The following SMARCC1 variants were observed in gnomAD, a reference collection of about 807,000 sequenced individuals.
SMARCC1 encodes the protein SWI/SNF related BAF chromatin remodeling complex subunit C1.
A neutral mutation model predicts 147.4 loss-of-function variants in SMARCC1; 43 were observed. The observed-to-expected ratio is 0.29, with a 90% CI of 0.23 to 0.38. SMARCC1 has a LOEUF of 0.38. Ranked by LOEUF, SMARCC1 falls within the 10% of genes least tolerant of loss-of-function variation. The probability of loss-of-function intolerance (pLI) is 1.00; values close to 1 mark genes in which losing one functional copy is unlikely to be tolerated. For missense variants in SMARCC1, 1,119 were observed against 1,381.1 expected, an observed-to-expected ratio of 0.81 and a Z score of 3.01; for synonymous variants, 495 against 484.4, an observed-to-expected ratio of 1.02 and a Z score of -0.29.
chr3:47,718,727 A>C (rs2034192483), intron 7 of SMARCC1, among the ~76,000 whole-genome samples: 1 of 151,934 alleles, frequency 6.6e-6, no homozygotes, highest in African/African-American at 2.4e-5. Context: ...ATAAAAATAA[A>C]AAAAGTAGGT....
At chr3:47,598,358 T>C (rs751325251) in intron 26 of SMARCC1, among the ~76,000 whole-genome samples, 1 of 152,144 alleles carries the variant, frequency 6.6e-6, no homozygotes, top group Non-Finnish European at 1.5e-5. Flanking sequence ...GGAAGCCATA[T>C]ACTAGGAGAA....
At chr3:47,635,427 C>T (rs369185282) in intron 23 of SMARCC1, 83 bp from the exon 24 acceptor site, 6 of 1,187,684 alleles carry the variant, frequency 5.1e-6, no homozygotes, top group African/African-American at 4.6e-5. Context: ...CTATAACAAA[C>T]TAGGACTGAT....
chr3:47,677,266 A>T (rs1463854802), intron 16 of SMARCC1, among the ~76,000 whole-genome samples: 1 of 151,792 alleles, frequency 6.6e-6, no homozygotes, highest in Non-Finnish European at 1.5e-5. Flanking sequence ...TGCGCAGCTA[A>T]TTTTTTGTAT....
chr3:47,670,421 C>CA, intron 19 of SMARCC1: 1 of 489,442 alleles, frequency 2.0e-6, no homozygotes, highest in Admixed American at 3.7e-5. Context: ...CCCATTGCTA[C>CA]AAAAAATACA....
At chr3:47,765,064 C>T (rs1364772659) in intron 2 of SMARCC1, among the ~76,000 whole-genome samples, 1 of 152,162 alleles carries the variant, frequency 6.6e-6, no homozygotes. Flanking sequence ...CCAGCCTGAA[C>T]AACATGGAGA....
rs559407620 is a variant in SMARCC1, at chr3:47,654,582, G to C, written c.2320+6712C>G. On this transcript the variant is annotated intron_variant, in intron 21 of 27. Coordinates refer to ENST00000254480, the MANE Select transcript of SMARCC1 (RefSeq NM_003074.4). Reference sequence around the variant, plus strand: ...AAACTAGATAACTTATAAAGAAAAAGGGTTTATTTAGCTCACAGTTCCACA... The same window carrying C: ...AAACTAGATAACTTATAAAGAAAAACGGTTTATTTAGCTCACAGTTCCACA... Among the ~76,000 whole-genome samples, 28 of 152,278 alleles carry C rather than the reference G, an allele frequency of 1.8e-4. No individual in the cohort carries two copies. The South Asian group carries it at 5.6e-3, about 30-fold the overall frequency.
At chr3:47,606,543 T>C (rs1288663117) in intron 26 of SMARCC1, among the ~76,000 whole-genome samples, 1 of 152,168 alleles carries the variant, frequency 6.6e-6, no homozygotes, top group Non-Finnish European at 1.5e-5. Flanking sequence ...TGCCCATCTT[T>C]TACAAAGTAA....
At chr3:47,720,224 A>G (rs1559653964) in intron 7 of SMARCC1, among the ~76,000 whole-genome samples, 1 of 152,096 alleles carries the variant, frequency 6.6e-6, no homozygotes. Flanking sequence ...CCCGGGTTCA[A>G]GGGATTCTCC....
Position 47,598,402 on chromosome 3 carries a change from T to C in SMARCC1, c.3044-7565A>G, listed in dbSNP as rs181295867. 1.1e-4 allele frequency among the ~76,000 whole-genome samples: 17 copies of C among 152,258 alleles called. No homozygotes were observed. The East Asian group carries it at 1.3e-3, about 12-fold the overall frequency. ...GCCCATGTTTATCAACAGGTACAGGTTGCTCGCTTCCACCAAGTCCGACCT... is the reference window on the plus strand; with the variant it reads ...GCCCATGTTTATCAACAGGTACAGGCTGCTCGCTTCCACCAAGTCCGACCT... On this transcript the variant is annotated intron_variant, in intron 26 of 27. Transcript: ENST00000254480.
chr3:47,636,966 T>A (rs2032979366), intron 22 of SMARCC1, among the ~76,000 whole-genome samples: 1 of 152,168 alleles, frequency 6.6e-6, no homozygotes, highest in Non-Finnish European at 1.5e-5. Flanking sequence ...GCTAATAATT[T>A]CAGGAAGAAC....
intron 1 of SMARCC1, among the ~76,000 whole-genome samples, chr3:47,780,179 T>G (rs562062665): frequency 5.7e-5 from 8 of 141,178 alleles, no homozygotes; most frequent in African/African-American, 1.6e-4. Context: ...TTTTTTTTTT[T>G]TTTTTTTTTT....
At chr3:47,615,830 C>T (rs1453041018) in intron 25 of SMARCC1, among the ~76,000 whole-genome samples, 2 of 152,132 alleles carry the variant, frequency 1.3e-5, no homozygotes, top group African/African-American at 4.8e-5. Flanking sequence ...ATTACAGGTG[C>T]CCACCACCAC....
intron 21 of SMARCC1, among the ~76,000 whole-genome samples, chr3:47,653,804 G>T (rs2033224324): frequency 6.6e-6 from 1 of 152,144 alleles, no homozygotes; most frequent in South Asian, 2.1e-4. Flanking sequence ...GCTGCAATTA[G>T]TGAGTACAGA....
chr3:47,773,873 C>A (rs145393841), intron 1 of SMARCC1, among the ~76,000 whole-genome samples: 2 of 152,184 alleles, frequency 1.3e-5, no homozygotes, highest in African/African-American at 4.8e-5. Context: ...ACCTCATGAT[C>A]CGCCCACTTC....
At chr3:47,645,604 T>C (rs1288942677) in intron 21 of SMARCC1, among the ~76,000 whole-genome samples, 1 of 152,180 alleles carries the variant, frequency 6.6e-6, no homozygotes, top group East Asian at 1.9e-4. Flanking sequence ...TCTAATCCCA[T>C]GACAGATTAA....
chr3:47,597,270 C>G (rs1203937076), intron 26 of SMARCC1, among the ~76,000 whole-genome samples: 4 of 152,198 alleles, frequency 2.6e-5, no homozygotes, highest in African/African-American at 9.6e-5. Flanking sequence ...GATGCCCCCG[C>G]CTCAACTTCC....
intron 6 of SMARCC1, among the ~76,000 whole-genome samples, chr3:47,728,136 G>C (rs1330142736): frequency 7.9e-6 from 1 of 126,652 alleles, no homozygotes; most frequent in Admixed American, 9.7e-5. Flanking sequence ...ACCCAGGCTG[G>C]AGTGCAGTGG....
intron 11 of SMARCC1, among the ~76,000 whole-genome samples, chr3:47,695,691 C>T (rs1490750563): frequency 2.0e-5 from 3 of 146,988 alleles, no homozygotes; most frequent in Non-Finnish European, 3.0e-5. Flanking sequence ...CACACGAACC[C>T]GGCGGAGGTT....
intron 2 of SMARCC1, among the ~76,000 whole-genome samples, chr3:47,753,375 T>C (rs2034650204): frequency 6.6e-6 from 1 of 150,590 alleles, no homozygotes; most frequent in African/African-American, 2.4e-5. Flanking sequence ...CTACAATAAT[T>C]TGTGCCATGG....
Sources: gnomAD v4.1 joint callset for allele counts (sites outside exome capture counted in the v4.1 genomes callset) on GRCh38, gnomAD v4.1.1 for gene constraint, MANE v1.5 for transcripts, NCBI Gene and HGNC (gene_info 2026-07-23, HGNC 2026-07-21) for gene names.